FILIP1: variants seen among roughly 807,000 people sequenced by gnomAD.
FILIP1 encodes the protein filamin A interacting protein 1.
A neutral mutation model predicts 102.1 loss-of-function variants in FILIP1; 61 were observed. That is an observed-to-expected ratio of 0.60 (90% CI 0.49 to 0.74). The LOEUF is 0.74. Ranked by LOEUF, FILIP1 falls within the 30% of genes least tolerant of loss-of-function variation. The pLI, the probability that FILIP1 is intolerant of heterozygous loss-of-function variation, is 0.00. For missense variants in FILIP1, 1,314 were observed against 1,441.2 expected (o/e 0.91, Z 1.43); for synonymous variants, 491 against 526.9 (o/e 0.93, Z 0.93).
At chr6:75,433,836 T>C (rs539890123) in intron 1 of FILIP1, among the ~76,000 whole-genome samples, 1 of 152,342 alleles carries the variant, frequency 6.6e-6, no homozygotes, top group Admixed American at 6.5e-5. Flanking sequence ...AACATTTAAG[T>C]CTTTAATCCA....
chr6:75,457,612 G>GTATCTCTCTCTC (rs1554215187), intron 1 of FILIP1, among the ~76,000 whole-genome samples: 2 of 142,644 alleles, frequency 1.4e-5, no homozygotes, highest in African/African-American at 5.4e-5. Flanking sequence ...TTCAAACAAA[G>GTATCTCTCTCTC]TCTCTCTCTC....
intron 3 of FILIP1, among the ~76,000 whole-genome samples, chr6:75,360,153 GATT>G (rs1006488853): frequency 6.6e-6 from 1 of 152,178 alleles, no homozygotes; most frequent in African/African-American, 2.4e-5. Flanking sequence ...TATGGCTGAA[GATT>G]TTCTCTATCT....
At chr6:75,339,236 T>G (rs182273114) in intron 4 of FILIP1, among the ~76,000 whole-genome samples, 1 of 152,254 alleles carries the variant, frequency 6.6e-6, no homozygotes, top group Non-Finnish European at 1.5e-5. Context: ...GGACTGTTTA[T>G]TATTTCCTGA....
intron 1 of FILIP1, among the ~76,000 whole-genome samples, chr6:75,443,354 G>C (rs771559696): frequency 6.6e-6 from 1 of 151,940 alleles, no homozygotes; most frequent in Non-Finnish European, 1.5e-5. Context: ...AGATTATCAA[G>C]GAAATAAACA....
chr6:75,427,484 G>A (rs1482239669), intron 1 of FILIP1, among the ~76,000 whole-genome samples: 3 of 152,020 alleles, frequency 2.0e-5, no homozygotes, highest in Non-Finnish European at 4.4e-5. Flanking sequence ...AGACTCATAT[G>A]GGGCCTGGAG....
At chr6:75,405,413 C>CA (rs1420806137) in intron 2 of FILIP1, among the ~76,000 whole-genome samples, 1 of 150,666 alleles carries the variant, frequency 6.6e-6, no homozygotes, top group Non-Finnish European at 1.5e-5. Context: ...AACAAACAAA[C>CA]AAAAAACCCA....
rs529111190 is a variant in FILIP1, at chr6:75,415,037, G to T, written c.-6-59C>A. 9 of 1,498,132 alleles carry T rather than the reference G, an allele frequency of 6.0e-6. No homozygotes were observed. In the African/African-American group the frequency reaches 7.0e-5, roughly 12 times the overall value. 92.8% of individuals were successfully genotyped at this position (1,498,132 alleles called of 1,614,324 possible). A position where few individuals can be genotyped will look rare whatever the true frequency, so the allele number is the denominator to read the frequency against. On this transcript the variant is annotated intron_variant, in intron 1 of 5. Coordinates refer to ENST00000237172, the MANE Select transcript of FILIP1 (RefSeq NM_015687.5). ...CTTTACCACCATCAAAATTATTTTT[G>T]CCTAAATACTTAGAAACTTATAGCA...
chr6:75,488,782 C>T (rs1399277073), intron 1 of FILIP1, among the ~76,000 whole-genome samples: 5 of 152,052 alleles, frequency 3.3e-5, no homozygotes, highest in Non-Finnish European at 7.4e-5. Flanking sequence ...TATAAGGGTG[C>T]TTTATATATT....
intron 3 of FILIP1, among the ~76,000 whole-genome samples, chr6:75,355,306 CCAAAA>C (rs534766664): frequency 6.6e-6 from 1 of 151,688 alleles, no homozygotes; most frequent in Non-Finnish European, 1.5e-5. Flanking sequence ...AAAACCAAAA[CCAAAA>C]CAAAACAAAA....
chr6:75,337,158 T>C (rs1319132981), intron 4 of FILIP1, among the ~76,000 whole-genome samples: 1 of 152,174 alleles, frequency 6.6e-6, no homozygotes, highest in African/African-American at 2.4e-5. Flanking sequence ...CTGAAATGTA[T>C]ACCCCAATGT....
chr6:75,318,228 CT>C (rs35536817), intron 4 of FILIP1, among the ~76,000 whole-genome samples: 6,075 of 102,920 alleles, frequency 0.059, 139 homozygotes, highest in Non-Finnish European at 0.073. Context: ...ATTATACAGT[CT>C]TTTTTTTTTT....
chr6:75,331,430 T>A (rs867092044), intron 4 of FILIP1, among the ~76,000 whole-genome samples: 16 of 152,270 alleles, frequency 1.1e-4, no homozygotes, highest in South Asian at 6.2e-4. Flanking sequence ...ACTCACTAAT[T>A]CAACAAAGAT....
At chr6:75,442,054 G>A (rs1412932698) in intron 1 of FILIP1, among the ~76,000 whole-genome samples, 1 of 150,570 alleles carries the variant, frequency 6.6e-6, no homozygotes, top group East Asian at 2.0e-4. Context: ...GCTGCCGGGT[G>A]GAGGGGCTCC....
At chr6:75,447,882 G>C (rs537758607) in intron 1 of FILIP1, among the ~76,000 whole-genome samples, 3 of 152,018 alleles carry the variant, frequency 2.0e-5, no homozygotes, top group Non-Finnish European at 4.4e-5. Context: ...ATTCTTTGAA[G>C]ATTGAGCCCT....
chr6:75,319,227 CT>C, intron 4 of FILIP1: 1 of 743,548 alleles, frequency 1.3e-6, no homozygotes, highest in Non-Finnish European at 2.4e-6. Flanking sequence ...TCGCAGCCTT[CT>C]TTTCATAAGG....
chr6:75,453,346 A>C (rs1778702622), intron 1 of FILIP1, among the ~76,000 whole-genome samples: 1 of 152,198 alleles, frequency 6.6e-6, no homozygotes, highest in Non-Finnish European at 1.5e-5. Context: ...TTTGGAAGTT[A>C]ATTGAGATTT....
intron 1 of FILIP1, among the ~76,000 whole-genome samples, chr6:75,452,569 C>T (rs1778670824): frequency 6.6e-6 from 1 of 152,132 alleles, no homozygotes; most frequent in African/African-American, 2.4e-5. Context: ...AATTCCACAA[C>T]ATTGGAAACA....
chr6:75,319,942 C>A, intron 4 of FILIP1: 1 of 433,836 alleles, frequency 2.3e-6, no homozygotes, highest in South Asian at 2.9e-5. Context: ...CATATCATGA[C>A]ATTTTGCCTC....
Position 75,308,453 on chromosome 6 carries a change from T to C in FILIP1, c.*238A>G. 1.5e-6 allele frequency: 2 copies of C among 1,339,512 alleles called. No individual in the cohort carries two copies. The highest frequency in any genetic ancestry group is 3.1e-5 in the South Asian group (2 of 63,560). 83.0% of individuals were successfully genotyped at this position (1,339,512 alleles called of 1,614,324 possible). ...TGGGTCCACTTGCTAGAAGCAAAAC[T>C]GGAACTAGAAACCACGCCCTGGCTT... On this transcript the variant is annotated 3_prime_UTR_variant, in exon 6 of 6. Transcript: ENST00000237172.
Sources: allele counts gnomAD v4.1 joint callset (sites outside exome capture counted in the v4.1 genomes callset), GRCh38; gene constraint gnomAD v4.1.1; transcripts MANE v1.5; gene names NCBI Gene and HGNC (gene_info 2026-07-23, HGNC 2026-07-21).